QTMAN: variants seen among roughly 807,000 people sequenced by gnomAD.
QTMAN encodes the protein queuosine-tRNA mannosyltransferase.
At chr2:144,269,326 T>C in the QTMAN span, among the ~76,000 whole-genome samples, 1 of 152,216 alleles carries the variant, frequency 6.6e-6, no homozygotes, top group African/African-American at 2.4e-5. Flanking sequence ...TTAAGGGTCC[T>C]AGGATGTTGC....
the QTMAN span, among the ~76,000 whole-genome samples, chr2:144,051,579 G>A: frequency 2.6e-5 from 4 of 152,052 alleles, no homozygotes; most frequent in South Asian, 2.1e-4. Context: ...AAGGTATCAC[G>A]AATAGAGCAT....
At chr2:144,132,557 G>A in the QTMAN span, among the ~76,000 whole-genome samples, 5 of 152,216 alleles carry the variant, frequency 3.3e-5, no homozygotes, top group Admixed American at 1.3e-4. Context: ...CAGAACAGCT[G>A]TACATGTGAC....
the QTMAN span, among the ~76,000 whole-genome samples, chr2:144,166,027 C>T: frequency 6.8e-6 from 1 of 148,018 alleles, no homozygotes; most frequent in Non-Finnish European, 1.5e-5. Flanking sequence ...AGGTCACTCT[C>T]CTGCATAAAA....
the QTMAN span, among the ~76,000 whole-genome samples, chr2:143,948,429 G>A: frequency 3.3e-5 from 5 of 152,016 alleles, no homozygotes; most frequent in African/African-American, 1.2e-4. Flanking sequence ...AGCAAGAATG[G>A]CATCTCTCTC....
chr2:144,133,231 TTATATTTATATATAAATATA>T, the QTMAN span, among the ~76,000 whole-genome samples: 5 of 31,794 alleles, frequency 1.6e-4, no homozygotes, highest in Non-Finnish European at 2.4e-4. Flanking sequence ...AAATATATAT[TTATATTTATATATAAATATA>T]TATAAATATA....
the QTMAN span, among the ~76,000 whole-genome samples, chr2:144,193,664 G>A: frequency 4.6e-5 from 7 of 151,890 alleles, no homozygotes; most frequent in African/African-American, 1.4e-4. Flanking sequence ...GGAACTACAG[G>A]TGCACACCAC....
At chr2:144,017,939 T>C in the QTMAN span, among the ~76,000 whole-genome samples, 2 of 152,204 alleles carry the variant, frequency 1.3e-5, no homozygotes. Context: ...GTACTTTTAA[T>C]GTTATCTTCT....
At chr2:144,114,758 T>C in the QTMAN span, among the ~76,000 whole-genome samples, 2 of 152,116 alleles carry the variant, frequency 1.3e-5, no homozygotes, top group African/African-American at 4.8e-5. Context: ...TAAATATCCT[T>C]CTGAGATATT....
chr2:144,326,586 C>CAAA, the QTMAN span, among the ~76,000 whole-genome samples: 9 of 43,684 alleles, frequency 2.1e-4, no homozygotes, highest in Non-Finnish European at 2.5e-4. Context: ...GACTCCATCT[C>CAAA]AAAAAAAAAA....
At chr2:144,329,283 TA>T in the QTMAN span, among the ~76,000 whole-genome samples, 25 of 147,664 alleles carry the variant, frequency 1.7e-4, no homozygotes, top group South Asian at 8.6e-4. Context: ...ATTCTGATAT[TA>T]AAAAAAAAAG....
At chr2:144,319,547 AT>A in the QTMAN span, among the ~76,000 whole-genome samples, 2 of 151,596 alleles carry the variant, frequency 1.3e-5, no homozygotes, top group East Asian at 3.8e-4. Flanking sequence ...TACCACCAAA[AT>A]TTTTTTTCAT....
chr2:144,020,664 T>C, the QTMAN span, among the ~76,000 whole-genome samples: 1 of 152,190 alleles, frequency 6.6e-6, no homozygotes, highest in African/African-American at 2.4e-5. Context: ...CCTAGAGGTT[T>C]GAGCAGTGGG....
chr2:144,106,002 A>C, the QTMAN span, among the ~76,000 whole-genome samples: 1 of 152,174 alleles, frequency 6.6e-6, no homozygotes, highest in Admixed American at 6.5e-5. Context: ...ATCCAGCCAA[A>C]CTAAGCTTCA....
At chr2:144,198,308 C>T in the QTMAN span, among the ~76,000 whole-genome samples, 3 of 152,096 alleles carry the variant, frequency 2.0e-5, no homozygotes, top group Non-Finnish European at 2.9e-5. Flanking sequence ...GTTGACTCCA[C>T]TTCCTGATTC....
chr2:144,117,583 T>C, the QTMAN span, among the ~76,000 whole-genome samples: 5 of 152,260 alleles, frequency 3.3e-5, no homozygotes, highest in Admixed American at 2.0e-4. Context: ...ATACTAAAGT[T>C]TGAGTGATAA....
At chr2:144,233,896 A>G in the QTMAN span, among the ~76,000 whole-genome samples, 2 of 152,154 alleles carry the variant, frequency 1.3e-5, no homozygotes, top group East Asian at 3.8e-4. Flanking sequence ...AAAGGGTCCA[A>G]GTCATATAGT....
At chr2:143,970,751 T>G in the QTMAN span, 2 of 1,539,242 alleles carry the variant, frequency 1.3e-6, no homozygotes, top group Non-Finnish European at 1.8e-6. Context: ...TTCTGGATCT[T>G]TATCATGCTC....
the QTMAN span, chr2:143,939,711 C>T: frequency 6.6e-6 from 1 of 152,290 alleles, no homozygotes; most frequent in Middle Eastern, 3.4e-3. Context: ...AAATCTGCAA[C>T]TTCAGACACC....
the QTMAN span, among the ~76,000 whole-genome samples, chr2:143,959,444 C>G: frequency 7.9e-5 from 12 of 152,026 alleles, no homozygotes; most frequent in Non-Finnish European, 1.5e-4. Context: ...TAAAATGGTA[C>G]AGTTTGATTT....
Sources: gnomAD v4.1 joint callset for allele counts (sites outside exome capture counted in the v4.1 genomes callset) on GRCh38, gnomAD v4.1.1 for gene constraint, MANE v1.5 for transcripts, NCBI Gene and HGNC (gene_info 2026-07-23, HGNC 2026-07-21) for gene names.